ARHGAP12: variants seen among roughly 807,000 people sequenced by gnomAD.
ARHGAP12 encodes rho GTPase-activating protein 12.
In ARHGAP12, 64 loss-of-function variants were observed where a neutral mutation model predicts 108.6. The ratio of observed to expected loss-of-function variants is 0.59; its 90% CI spans 0.48 to 0.73. ARHGAP12 has a LOEUF of 0.73. Ranked by LOEUF, ARHGAP12 falls within the 30% of genes least tolerant of loss-of-function variation. The pLI is 0.00. For synonymous variants in ARHGAP12, 312 were observed against 337.2 expected (o/e 0.93, Z 0.82); for missense variants, 940 against 1,005.9 (o/e 0.93, Z 0.89).
intron 1 of ARHGAP12, among the ~76,000 whole-genome samples, chr10:31,923,016 G>A (rs539146325): frequency 3.7e-4 from 56 of 151,188 alleles, no homozygotes; most frequent in African/African-American, 1.2e-3. Context: ...CTGTAGTCAC[G>A]GCTACTTGGG....
chr10:31,907,261 G>A (rs1300423047), intron 3 of ARHGAP12, among the ~76,000 whole-genome samples: 1 of 151,696 alleles, frequency 6.6e-6, no homozygotes, highest in Non-Finnish European at 1.5e-5. Flanking sequence ...TTTCACGTAT[G>A]TACTTTTAAA....
chr10:31,882,319 T>C (rs559704755), intron 3 of ARHGAP12, among the ~76,000 whole-genome samples: 2 of 152,294 alleles, frequency 1.3e-5, no homozygotes, highest in East Asian at 3.9e-4. Context: ...TAGCAACTGA[T>C]ATCTAATGGT....
At chr10:31,901,833 T>A (rs992635239) in intron 3 of ARHGAP12, among the ~76,000 whole-genome samples, 1 of 152,120 alleles carries the variant, frequency 6.6e-6, no homozygotes, top group Admixed American at 6.6e-5. Flanking sequence ...ATCACTCCTA[T>A]CTTGAAGGCC....
intron 1 of ARHGAP12, among the ~76,000 whole-genome samples, chr10:31,919,768 G>A (rs1839713487): frequency 6.7e-6 from 1 of 150,110 alleles, no homozygotes; most frequent in Non-Finnish European, 1.5e-5. Context: ...CTCCAGCCTG[G>A]GCAACACAGC....
chr10:31,879,054 T>G (rs1188320768), intron 3 of ARHGAP12, among the ~76,000 whole-genome samples: 1 of 152,330 alleles, frequency 6.6e-6, no homozygotes, highest in East Asian at 1.9e-4. Context: ...AAGTGTCACT[T>G]TATCATTAAC....
At chr10:31,842,048 G>T (rs145844998) in intron 7 of ARHGAP12, among the ~76,000 whole-genome samples, 2 of 152,040 alleles carry the variant, frequency 1.3e-5, no homozygotes, top group African/African-American at 2.4e-5. Flanking sequence ...GTTATTTAAA[G>T]CAAGAGATTG....
chr10:31,859,501 T>C (rs764240918), intron 4 of ARHGAP12, among the ~76,000 whole-genome samples: 1 of 152,184 alleles, frequency 6.6e-6, no homozygotes, highest in African/African-American at 2.4e-5. Context: ...TTACCTCCCA[T>C]ACACAACTTT....
intron 3 of ARHGAP12, among the ~76,000 whole-genome samples, chr10:31,870,783 C>T (rs1837510786): frequency 6.6e-6 from 1 of 152,146 alleles, no homozygotes; most frequent in African/African-American, 2.4e-5. Flanking sequence ...ATATACCACC[C>T]TTTGTTTAAC....
At chr10:31,853,096 T>G (rs1044778494) in intron 5 of ARHGAP12, among the ~76,000 whole-genome samples, 6 of 152,174 alleles carry the variant, frequency 3.9e-5, no homozygotes, top group African/African-American at 1.4e-4. Flanking sequence ...ATAAATATAC[T>G]CATTATTAAA....
At chr10:31,810,806 G>A in intron 15 of ARHGAP12, 59 bp from the exon 16 acceptor site, 1 of 1,316,838 alleles carries the variant, frequency 7.6e-7, no homozygotes, top group Non-Finnish European at 1.1e-6. Flanking sequence ...TTCATGAAAT[G>A]GCTAACCATT....
intron 1 of ARHGAP12, among the ~76,000 whole-genome samples, chr10:31,915,632 T>C (rs1839522239): frequency 6.6e-6 from 1 of 152,196 alleles, no homozygotes; most frequent in African/African-American, 2.4e-5. Flanking sequence ...GGTAATGCAT[T>C]TGTAAATTAG....
chr10:31,905,168 T>G (rs1468408443), intron 3 of ARHGAP12, among the ~76,000 whole-genome samples: 1 of 152,162 alleles, frequency 6.6e-6, no homozygotes, highest in Admixed American at 6.5e-5. Flanking sequence ...ACCCTTGCTA[T>G]GCTTGAAAAA....
intron 1 of ARHGAP12, among the ~76,000 whole-genome samples, chr10:31,928,174 G>A (rs1397668277): frequency 6.7e-6 from 1 of 149,296 alleles, no homozygotes; most frequent in Non-Finnish European, 1.5e-5. Flanking sequence ...GGCCTTTTGC[G>A]CACACACACA....
At position 31,806,225 on chromosome 10, in the gene ARHGAP12, T is replaced by C. The variant is rs1834819156; in HGVS notation, c.*1433A>G. ...GGAAATATTGGATTCAGTTGATTTT[T>C]AAAAATGAGGTATAACAGTATGCCA... On this transcript the variant is annotated 3_prime_UTR_variant, in exon 20 of 20. Coordinates refer to ENST00000344936, the MANE Select transcript of ARHGAP12 (RefSeq NM_018287.7). 6.6e-6 allele frequency: 1 copy of C among 152,206 alleles called. No homozygotes were observed. Among genetic ancestry groups the C allele is most frequent in the African/African-American group, 2.4e-5 (1 of 41,454 alleles). 9.4% of individuals were successfully genotyped at this position (152,206 alleles called of 1,614,324 possible).
At chr10:31,838,813 A>G (rs1314110464) in intron 9 of ARHGAP12, among the ~76,000 whole-genome samples, 1 of 144,006 alleles carries the variant, frequency 6.9e-6, no homozygotes, top group Non-Finnish European at 1.5e-5. Flanking sequence ...CCTGGGCAAC[A>G]GAGTGAGGCT....
intron 3 of ARHGAP12, among the ~76,000 whole-genome samples, chr10:31,895,612 A>G (rs1056944783): frequency 4.6e-5 from 7 of 152,216 alleles, no homozygotes; most frequent in African/African-American, 7.2e-5. Flanking sequence ...GAGAGGATGT[A>G]GAGAAATAGG....
At chr10:31,897,906 G>A (rs912186682) in intron 3 of ARHGAP12, among the ~76,000 whole-genome samples, 1 of 152,078 alleles carries the variant, frequency 6.6e-6, no homozygotes, top group Non-Finnish European at 1.5e-5. Flanking sequence ...CAGGCAGATC[G>A]CTTGCGCCCA....
intron 3 of ARHGAP12, among the ~76,000 whole-genome samples, chr10:31,906,086 C>G (rs938721046): frequency 5.3e-5 from 8 of 152,122 alleles, no homozygotes; most frequent in African/African-American, 1.9e-4. Flanking sequence ...TCTGCTCCAT[C>G]TGAAGAAAAC....
intron 3 of ARHGAP12, among the ~76,000 whole-genome samples, chr10:31,892,966 A>C (rs879234694): frequency 6.6e-6 from 1 of 152,296 alleles, no homozygotes; most frequent in African/African-American, 2.4e-5. Flanking sequence ...CCGCTCAACT[A>C]CATGGAAACT....
Sources: gnomAD v4.1 joint callset for allele counts (sites outside exome capture counted in the v4.1 genomes callset) on GRCh38, gnomAD v4.1.1 for gene constraint, MANE v1.5 for transcripts, NCBI Gene and HGNC (gene_info 2026-07-23, HGNC 2026-07-21) for gene names.